The following MOB3B variants were observed in gnomAD, a reference collection of about 807,000 sequenced individuals.
MOB3B encodes MOB kinase activator 3B.
MOB3B carries 7 observed loss-of-function variants against 18.7 expected under a neutral mutation model. The observed-to-expected ratio is 0.37, with a 90% confidence interval of 0.21 to 0.70. The LOEUF (loss-of-function observed/expected upper bound fraction) is 0.70. Among genes scored for constraint, MOB3B ranks in the 30% least tolerant of loss-of-function variants. The pLI is 0.52. For synonymous variants in MOB3B, 111 were observed against 99.9 expected (o/e 1.11, Z -0.66); for missense variants, 253 against 281.3 (o/e 0.90, Z 0.72).
intron 2 of MOB3B, among the ~76,000 whole-genome samples, chr9:27,428,779 A>C (rs1346450553): frequency 2.6e-5 from 4 of 152,200 alleles, no homozygotes; most frequent in African/African-American, 9.7e-5. Flanking sequence ...CTGCATGCTC[A>C]AGGGGACCAT....
chr9:27,332,155 G>A, intron 3 of MOB3B, among the ~76,000 whole-genome samples: 1 of 152,056 alleles, frequency 6.6e-6, no homozygotes, highest in Non-Finnish European at 1.5e-5. Flanking sequence ...ACCACACCTG[G>A]CTAGTTTTTA....
intron 2 of MOB3B, among the ~76,000 whole-genome samples, chr9:27,393,233 A>T (rs1420837924): frequency 6.6e-6 from 1 of 152,164 alleles, no homozygotes; most frequent in African/African-American, 2.4e-5. Flanking sequence ...TTTTTCTGTT[A>T]CGCCTATTTA....
At chr9:27,342,594 G>A (rs1223287423) in intron 3 of MOB3B, among the ~76,000 whole-genome samples, 1 of 152,190 alleles carries the variant, frequency 6.6e-6, no homozygotes, top group Non-Finnish European at 1.5e-5. Context: ...AGCCTGCAGA[G>A]TGCCTGGGAT....
chr9:27,516,726 C>G (rs1289214886), intron 1 of MOB3B, among the ~76,000 whole-genome samples: 1 of 152,216 alleles, frequency 6.6e-6, no homozygotes, highest in Non-Finnish European at 1.5e-5. Flanking sequence ...GGTTCTGACA[C>G]AGACCCACTT....
rs1445886284 is a variant in MOB3B, at chr9:27,372,903, T to C, written c.419-13667A>G. On this transcript the variant is annotated intron_variant, in intron 2 of 3. Transcript: ENST00000262244. ...GTGTTAGTTCCTCAGCTGTGACAAA[T>C]GTTTTGTGAGATGTTAGCGATACTG... Among the ~76,000 whole-genome samples, 38 of 152,206 alleles carry C rather than the reference T, an allele frequency of 2.5e-4. 1 individual carries two copies. Among genetic ancestry groups the C allele is most frequent in the Admixed American group, 2.5e-3 (38 of 15,280 alleles).
At chr9:27,456,038 G>T (rs567956291) in intron 1 of MOB3B, among the ~76,000 whole-genome samples, 9 of 152,260 alleles carry the variant, frequency 5.9e-5, no homozygotes, top group African/African-American at 1.9e-4. Flanking sequence ...AGGTGTTAAG[G>T]ATGAACATGT....
rs140072220 is a variant in MOB3B at position 27,503,381 on chromosome 9, C to T, written c.-199+26174G>A. 1.6e-3 allele frequency among the ~76,000 whole-genome samples: 239 copies of T among 152,296 alleles called. 1 individual carries two copies. Among genetic ancestry groups the T allele is most frequent in the South Asian group, 2.7e-3 (13 of 4,832 alleles). On this transcript the variant is annotated intron_variant, in intron 1 of 3. Transcript: ENST00000262244. ...AAAAGGGCAAGATAAGATAAAGTAA[C>T]GAGACCATCAACTTCTCGCAAATTA...
intron 2 of MOB3B, among the ~76,000 whole-genome samples, chr9:27,383,413 A>G (rs1461617469): frequency 1.3e-5 from 2 of 152,208 alleles, no homozygotes; most frequent in African/African-American, 2.4e-5. Flanking sequence ...CTGAAGCACA[A>G]ATAACTTATG....
intron 2 of MOB3B, among the ~76,000 whole-genome samples, chr9:27,388,573 G>C (rs912174817): frequency 2.6e-5 from 4 of 151,990 alleles, no homozygotes; most frequent in African/African-American, 4.8e-5. Flanking sequence ...CTCAAGCAGT[G>C]TACACTGTAC....
At chr9:27,461,295 T>G (rs1425064310) in intron 1 of MOB3B, among the ~76,000 whole-genome samples, 2 of 152,232 alleles carry the variant, frequency 1.3e-5, no homozygotes, top group Non-Finnish European at 2.9e-5. Flanking sequence ...CAATAAAGGA[T>G]GTGCCTAAGA....
intron 2 of MOB3B, among the ~76,000 whole-genome samples, chr9:27,451,442 G>C (rs1408657392): frequency 1.3e-5 from 2 of 152,172 alleles, no homozygotes; most frequent in African/African-American, 4.8e-5. Context: ...TGCCATCTGA[G>C]AAAGTTCGAC....
chr9:27,358,757 G>A, intron 3 of MOB3B: 1 of 633,266 alleles, frequency 1.6e-6, no homozygotes, highest in Non-Finnish European at 3.0e-6. Context: ...GAATGACTTT[G>A]GAATTGAAAG....
chr9:27,476,302 T>C (rs1214558619), intron 1 of MOB3B, among the ~76,000 whole-genome samples: 2 of 152,246 alleles, frequency 1.3e-5, no homozygotes, highest in African/African-American at 4.8e-5. Flanking sequence ...GGCTGGGCAA[T>C]GCTTTCTCTG....
At chr9:27,527,432 G>A (rs1360506843) in intron 1 of MOB3B, among the ~76,000 whole-genome samples, 2 of 152,160 alleles carry the variant, frequency 1.3e-5, no homozygotes, top group African/African-American at 2.4e-5. Context: ...AATCACTAGA[G>A]AAAGTGCTCT....
Position 27,463,046 on chromosome 9 carries a change from C to T in MOB3B, c.-198-7298G>A, listed in dbSNP as rs991824422. ...TTGCTGCAAGAATTCAAACAGTTTA[C>T]GTAAAACACTTAGCATTAGCAAGTA... On this transcript the variant is annotated intron_variant, in intron 1 of 3. Transcript: ENST00000262244. 1.8e-4 allele frequency among the ~76,000 whole-genome samples: 28 copies of T among 152,114 alleles called. 1 individual carries two copies. Among genetic ancestry groups the T allele is most frequent in the African/African-American group, 6.3e-4 (26 of 41,412 alleles).
chr9:27,392,634 G>A (rs965981595), intron 2 of MOB3B, among the ~76,000 whole-genome samples: 1 of 152,060 alleles, frequency 6.6e-6, no homozygotes, highest in East Asian at 1.9e-4. Flanking sequence ...GAATAAAGAC[G>A]AGCCATTTGA....
intron 2 of MOB3B, among the ~76,000 whole-genome samples, chr9:27,452,152 G>A (rs1343162821): frequency 6.6e-6 from 1 of 152,176 alleles, no homozygotes; most frequent in Non-Finnish European, 1.5e-5. Context: ...AATCATCCAT[G>A]TGCTGGGCCT....
chr9:27,504,357 C>A (rs939893268), intron 1 of MOB3B, among the ~76,000 whole-genome samples: 2 of 152,202 alleles, frequency 1.3e-5, no homozygotes, highest in African/African-American at 4.8e-5. Flanking sequence ...TGACACCCAT[C>A]CTACAACAAC....
At chr9:27,386,048 G>A (rs956901607) in intron 2 of MOB3B, among the ~76,000 whole-genome samples, 1 of 152,254 alleles carries the variant, frequency 6.6e-6, no homozygotes, top group Non-Finnish European at 1.5e-5. Context: ...GAAGCACATG[G>A]ACAAGCCATC....
Sources: allele counts gnomAD v4.1 joint callset (sites outside exome capture counted in the v4.1 genomes callset), GRCh38; gene constraint gnomAD v4.1.1; transcripts MANE v1.5; gene names NCBI Gene and HGNC (gene_info 2026-07-23, HGNC 2026-07-21).